LCLAT1: variants seen among roughly 807,000 people sequenced by gnomAD.
LCLAT1 encodes 1-AGP acyltransferase 8.
A neutral mutation model predicts 30.7 loss-of-function variants in LCLAT1; 11 were observed. The ratio of observed to expected loss-of-function variants is 0.36; its 90% CI spans 0.23 to 0.59. LCLAT1 has a LOEUF of 0.59. Ranked by LOEUF, LCLAT1 falls within the 20% of genes least tolerant of loss-of-function variation. The pLI is 0.77. For missense variants in LCLAT1, 402 were observed against 458.6 expected (o/e 0.88, Z 1.13); for synonymous variants, 155 against 151.3 (o/e 1.02, Z -0.18).
At chr2:30,562,370 C>G (rs1665270958) in intron 4 of LCLAT1, 78 bp downstream of exon 4, 1 of 1,181,668 alleles carries the variant, frequency 8.5e-7, no homozygotes, top group African/African-American at 1.5e-5. Flanking sequence ...TAACTGAACA[C>G]CAACAAGAAT....
rs780206248 is a variant in LCLAT1, at chr2:30,562,214, G to A, written c.433G>A (p.Glu145Lys). ...ATGGAAGGATGACAAGAGCCATTTC[G>A]AAGACATGATTGATTACTTTTGTGA... The part of the protein sequence containing the change: ...RKWKDDKSHF[E>K]DMIDYFCDIH... The change falls in exon 4 of 6, where the codon GAA becomes AAA. Residue 145 changes from glutamate to lysine, a missense_variant. Glu to Lys is a moderately conservative substitution (Grantham distance 56, BLOSUM62 1). Transcript: ENST00000379509. 6.9e-5 allele frequency: 111 copies of A among 1,612,854 alleles called. No homozygotes were observed. The South Asian group carries it at 1.1e-3, about 16-fold the overall frequency.
chr2:30,519,256 A>T (rs895118622), intron 1 of LCLAT1, among the ~76,000 whole-genome samples: 2 of 152,154 alleles, frequency 1.3e-5, no homozygotes, highest in African/African-American at 2.4e-5. Context: ...TCCAGAATTG[A>T]TGCTGTAAAA....
intron 5 of LCLAT1, among the ~76,000 whole-genome samples, chr2:30,629,647 T>G (rs1668678548): frequency 6.6e-6 from 1 of 152,236 alleles, no homozygotes; most frequent in Non-Finnish European, 1.5e-5. Flanking sequence ...GAAAGCACTG[T>G]TATACATTTT....
chr2:30,470,257 G>A (rs1013411141), intron 1 of LCLAT1, among the ~76,000 whole-genome samples: 5 of 152,138 alleles, frequency 3.3e-5, no homozygotes, highest in South Asian at 2.1e-4. Flanking sequence ...TGGGGTAATC[G>A]GGGAAGTTAC....
At chr2:30,598,414 C>CTTT (rs58514140) in intron 5 of LCLAT1, among the ~76,000 whole-genome samples, 4 of 135,978 alleles carry the variant, frequency 2.9e-5, no homozygotes, top group African/African-American at 1.1e-4. Context: ...TCTAGATTTT[C>CTTT]TTTTTTTTTT....
At chr2:30,636,005 C>T (rs76826697) in intron 5 of LCLAT1, among the ~76,000 whole-genome samples, 5,686 of 152,176 alleles carry the variant, frequency 0.037, 362 homozygotes, top group African/African-American at 0.13. Flanking sequence ...CACAGGATGG[C>T]AACCAGGTAC....
intron 1 of LCLAT1, among the ~76,000 whole-genome samples, chr2:30,507,261 T>C (rs1345221598): frequency 1.3e-5 from 2 of 152,166 alleles, no homozygotes; most frequent in African/African-American, 2.4e-5. Flanking sequence ...GTAGAGTATT[T>C]GATTAGAGAT....
chr2:30,558,106 G>A (rs917260578), intron 3 of LCLAT1, among the ~76,000 whole-genome samples: 1 of 151,936 alleles, frequency 6.6e-6, no homozygotes, highest in African/African-American at 2.4e-5. Flanking sequence ...TCCTTAAGCG[G>A]GACACAGAAA....
At chr2:30,618,066 G>A (rs1200155431) in intron 5 of LCLAT1, among the ~76,000 whole-genome samples, 1 of 152,026 alleles carries the variant, frequency 6.6e-6, no homozygotes, top group African/African-American at 2.4e-5. Flanking sequence ...CCTAGTCCAG[G>A]TCACAAAGAT....
chr2:30,590,969 A>G (rs535338656), intron 5 of LCLAT1, among the ~76,000 whole-genome samples: 7 of 152,292 alleles, frequency 4.6e-5, no homozygotes, highest in Non-Finnish European at 1.0e-4. Context: ...TCAGTCCTTC[A>G]ACTTCGAGGT....
intron 1 of LCLAT1, among the ~76,000 whole-genome samples, chr2:30,524,936 GT>G (rs1685636857): frequency 6.6e-6 from 1 of 151,694 alleles, no homozygotes; most frequent in South Asian, 2.1e-4. Flanking sequence ...CTCATCTGTA[GT>G]TTTTAGTCAA....
intron 3 of LCLAT1, among the ~76,000 whole-genome samples, chr2:30,539,467 A>C (rs759229080): frequency 6.6e-6 from 1 of 152,096 alleles, no homozygotes; most frequent in Non-Finnish European, 1.5e-5. Context: ...ATGTTTAGTC[A>C]GGATCTAGAC....
intron 1 of LCLAT1, among the ~76,000 whole-genome samples, chr2:30,491,554 T>C (rs1683833053): frequency 6.6e-6 from 1 of 152,226 alleles, no homozygotes; most frequent in African/African-American, 2.4e-5. Flanking sequence ...TGATTTGCTG[T>C]ATTTCTGACT....
intron 1 of LCLAT1, among the ~76,000 whole-genome samples, chr2:30,452,955 G>A (rs1403186768): frequency 1.3e-5 from 2 of 152,096 alleles, no homozygotes; most frequent in African/African-American, 4.8e-5. Flanking sequence ...GTTGCCATCA[G>A]TGAAAGCTGA....
intron 1 of LCLAT1, among the ~76,000 whole-genome samples, chr2:30,494,506 A>G (rs1572523164): frequency 6.6e-6 from 1 of 152,056 alleles, no homozygotes; most frequent in Admixed American, 6.5e-5. Context: ...GCTATGATAT[A>G]CAAAAATATA....
chr2:30,637,188 G>A (rs76119011), intron 5 of LCLAT1, among the ~76,000 whole-genome samples: 2,372 of 152,292 alleles, frequency 0.016, 59 homozygotes, highest in African/African-American at 0.053. Flanking sequence ...AAGGATTATG[G>A]TTGTGGTTGG....
At chr2:30,565,326 C>T (rs995286107) in intron 4 of LCLAT1, among the ~76,000 whole-genome samples, 3 of 152,190 alleles carry the variant, frequency 2.0e-5, no homozygotes, top group South Asian at 2.1e-4. Context: ...GAGAGGAGGG[C>T]ACTTCTGTCT....
At chr2:30,540,797 T>A (rs1359255727) in intron 3 of LCLAT1, among the ~76,000 whole-genome samples, 2 of 152,032 alleles carry the variant, frequency 1.3e-5, no homozygotes, top group African/African-American at 2.4e-5. Flanking sequence ...CCCAAGTAGC[T>A]GGGATTACAG....
At chr2:30,529,822 CA>C (rs1282423925) in intron 2 of LCLAT1, among the ~76,000 whole-genome samples, 8 of 152,182 alleles carry the variant, frequency 5.3e-5, no homozygotes, top group Admixed American at 5.2e-4. Context: ...GTTGGGATTG[CA>C]AAGCCTCAAG....
Sources: allele counts gnomAD v4.1 joint callset (sites outside exome capture counted in the v4.1 genomes callset), GRCh38; gene constraint gnomAD v4.1.1; transcripts MANE v1.5; gene names NCBI Gene and HGNC (gene_info 2026-07-23, HGNC 2026-07-21).